Variants in FSTL4 observed in about 807,000 individuals in gnomAD.
The protein encoded by FSTL4 is follistatin-related protein 4.
In FSTL4, 28 loss-of-function variants were observed where a neutral mutation model predicts 78.2. The ratio of observed to expected loss-of-function variants is 0.36; its 90% CI spans 0.27 to 0.49. The LOEUF (loss-of-function observed/expected upper bound fraction) is 0.49, where lower values mean the gene tolerates loss of function less well. FSTL4 is among the 20% of genes least tolerant of loss of function. The pLI, the probability that FSTL4 is intolerant of heterozygous loss-of-function variation, is 0.98. For synonymous variants in FSTL4, 422 were observed against 440.5 expected (o/e 0.96, Z 0.53); for missense variants, 922 against 1,084.9 (o/e 0.85, Z 2.11).
At chr5:133,786,829 G>A in the FSTL4 span, among the ~76,000 whole-genome samples, 1 of 152,242 alleles carries the variant, frequency 6.6e-6, no homozygotes, top group African/African-American at 2.4e-5. Context: ...ACTGTTAAGT[G>A]TCAGGCACTG....
At chr5:133,254,996 C>T (rs1752348867) in intron 6 of FSTL4, among the ~76,000 whole-genome samples, 1 of 152,234 alleles carries the variant, frequency 6.6e-6, no homozygotes, top group South Asian at 2.1e-4. Flanking sequence ...ATGCCACATG[C>T]AGCCCTCTAG....
chr5:133,317,866 A>T (rs1753947674), intron 4 of FSTL4, among the ~76,000 whole-genome samples: 1 of 152,220 alleles, frequency 6.6e-6, no homozygotes, highest in Non-Finnish European at 1.5e-5. Flanking sequence ...CTCCCTTGAC[A>T]TTATGGGAAC....
Position 133,210,284 on chromosome 5 carries a change from G to T in FSTL4, c.1623C>A (p.Asp541Glu). 1 of 1,601,082 alleles carries T rather than the reference G, an allele frequency of 6.2e-7. No individual in the cohort carries two copies. Among genetic ancestry groups the T allele is most frequent in the Middle Eastern group, 1.7e-4 (1 of 6,044 alleles). The change falls in exon 14 of 16, where the codon GAC becomes GAA. Residue 541 changes from aspartate (D) to glutamate (E), a missense_variant. By Grantham distance (45) the Asp-to-Glu change is conservative (BLOSUM62 2). Coordinates refer to ENST00000265342, the MANE Select transcript of FSTL4 (RefSeq NM_015082.2). ...CATAGGACAGCTTAGCCGGCAGAGG[G>T]TCCACACCTATGGACTTGAAAAAAA... ...AQKVLQSIGV[D>E]PLPAKLSYDK...
chr5:133,625,775 T>TATATATATTCCATATATATATATTCC, the FSTL4 span, among the ~76,000 whole-genome samples: 1 of 37,630 alleles, frequency 2.7e-5, no homozygotes, highest in Non-Finnish European at 4.3e-5. Context: ...ATATTCCATA[T>TATATATATTCCATATATATATATTCC]ATATATATTC....
chr5:133,283,266 G>A (rs1231054462), intron 6 of FSTL4, among the ~76,000 whole-genome samples: 2 of 148,744 alleles, frequency 1.3e-5, no homozygotes, highest in Non-Finnish European at 3.0e-5. Flanking sequence ...GTGTGTGTCT[G>A]TGTGTGTGTG....
the FSTL4 span, among the ~76,000 whole-genome samples, chr5:133,747,515 A>G: frequency 6.6e-6 from 1 of 152,128 alleles, no homozygotes; most frequent in Non-Finnish European, 1.5e-5. Context: ...TTCAATGCTC[A>G]CAAAAAATTG....
intron 3 of FSTL4, among the ~76,000 whole-genome samples, chr5:133,494,517 C>A (rs1025313339): frequency 1.3e-5 from 2 of 152,322 alleles, no homozygotes; most frequent in East Asian, 1.9e-4. Flanking sequence ...GCTGAAAGCA[C>A]ATTTTCAGGC....
chr5:133,606,259 G>A (rs865976799), intron 1 of FSTL4, among the ~76,000 whole-genome samples: 31 of 152,168 alleles, frequency 2.0e-4, no homozygotes, highest in African/African-American at 7.2e-4. Flanking sequence ...TAGCTGGGAT[G>A]ACAGGCATGC....
At chr5:133,689,224 A>G in the FSTL4 span, among the ~76,000 whole-genome samples, 2 of 152,002 alleles carry the variant, frequency 1.3e-5, no homozygotes, top group Non-Finnish European at 2.9e-5. Context: ...TTCCACAACA[A>G]TCTCCTCAGG....
chr5:133,576,397 T>C (rs1252865647), intron 2 of FSTL4, among the ~76,000 whole-genome samples: 1 of 151,948 alleles, frequency 6.6e-6, no homozygotes, highest in Non-Finnish European at 1.5e-5. Context: ...ACTGGGAAAA[T>C]ATTGGCTATG....
At chr5:133,243,967 G>A (rs11741756) in intron 7 of FSTL4, 16,062 of 152,362 alleles carry the variant, frequency 0.11, 883 homozygotes, top group East Asian at 0.16. Context: ...CCCTCCGAGT[G>A]GCCGCTGTGC....
Position 133,539,037 on chromosome 5 carries a change from C to T in FSTL4, c.160+28149G>A, listed in dbSNP as rs190703676. On this transcript the variant is annotated intron_variant, in intron 3 of 15. Transcript: ENST00000265342. ...TTTATATGGTGGTTCGGGGATCCAC[C>T]GTGAGCAATCTAGCCGGCAAGGTGA... Among the ~76,000 whole-genome samples the T allele has an allele frequency of 3.3e-5, 5 of 152,160 alleles. No individual in the cohort carries two copies. The East Asian group carries it at 7.7e-4, about 24-fold the overall frequency.
intron 12 of FSTL4, among the ~76,000 whole-genome samples, chr5:133,218,724 TA>T (rs1750996382): frequency 6.6e-6 from 1 of 152,202 alleles, no homozygotes; most frequent in African/African-American, 2.4e-5. Flanking sequence ...GGTCTCTGCT[TA>T]GTATCACCTT....
At chr5:133,522,342 G>T (rs895596560) in intron 3 of FSTL4, among the ~76,000 whole-genome samples, 5 of 152,184 alleles carry the variant, frequency 3.3e-5, no homozygotes, top group African/African-American at 7.2e-5. Flanking sequence ...ATATTAAACA[G>T]TTGGTCAGCA....
intron 7 of FSTL4, chr5:133,247,868 G>A (rs1752089057): frequency 1.3e-5 from 2 of 152,438 alleles, no homozygotes; most frequent in Non-Finnish European, 2.9e-5. Flanking sequence ...CTCCAGAGTG[G>A]CCCCCTCTTT....
At chr5:133,619,263 T>G in the FSTL4 span, among the ~76,000 whole-genome samples, 4 of 152,150 alleles carry the variant, frequency 2.6e-5, no homozygotes, top group South Asian at 8.3e-4. Flanking sequence ...ATGGCTAAGT[T>G]GGCTCATGGA....
At chr5:133,568,205 T>C (rs1316947955) in intron 2 of FSTL4, among the ~76,000 whole-genome samples, 3 of 152,140 alleles carry the variant, frequency 2.0e-5, no homozygotes, top group Non-Finnish European at 4.4e-5. Flanking sequence ...TGCAGTTTCA[T>C]AACTAATATA....
intron 3 of FSTL4, among the ~76,000 whole-genome samples, chr5:133,431,023 A>G (rs1756925608): frequency 6.6e-6 from 1 of 152,204 alleles, no homozygotes; most frequent in Non-Finnish European, 1.5e-5. Flanking sequence ...AACAGCACAT[A>G]CATGTTGATA....
intron 3 of FSTL4, among the ~76,000 whole-genome samples, chr5:133,510,870 C>T (rs536146320): frequency 6.6e-6 from 1 of 152,158 alleles, no homozygotes; most frequent in Non-Finnish European, 1.5e-5. Context: ...GTTCTCTCCT[C>T]TGACGTCAAA....
Sources: gnomAD v4.1 joint callset for allele counts (sites outside exome capture counted in the v4.1 genomes callset) on GRCh38, gnomAD v4.1.1 for gene constraint, MANE v1.5 for transcripts, NCBI Gene and HGNC (gene_info 2026-07-23, HGNC 2026-07-21) for gene names.